SANBR: variants seen among roughly 807,000 people sequenced by gnomAD.
The protein encoded by SANBR is SANT and BTB domain regulator of CSR.
A neutral mutation model predicts 101.8 loss-of-function variants in SANBR; 77 were observed. The ratio of observed to expected loss-of-function variants is 0.76; its 90% CI spans 0.63 to 0.91. The LOEUF is 0.91. Among genes scored for constraint, SANBR ranks in the 40% least tolerant of loss-of-function variants. SANBR has a pLI of 0.00. For missense variants in SANBR, 875 were observed against 853.0 expected (o/e 1.03, Z -0.32); for synonymous variants, 279 against 274.7 (o/e 1.02, Z -0.15).
At chr2:61,131,751 A>G (rs1187061910) in intron 20 of SANBR, among the ~76,000 whole-genome samples, 2 of 152,226 alleles carry the variant, frequency 1.3e-5, no homozygotes, top group African/African-American at 4.8e-5. Flanking sequence ...TTGGAAGACA[A>G]CAAAGTTAGA....
intron 16 of SANBR, 53 bp from the exon 17 acceptor site, chr2:61,115,926 G>A (rs981612954): frequency 9.3e-7 from 1 of 1,076,302 alleles, no homozygotes. Flanking sequence ...GTAACAAGTG[G>A]ACTGGAAAAG....
rs2104930731 is a variant in SANBR, at chr2:61,103,835, T to C, written c.1366-18T>C. 2 of 1,611,242 alleles carry C rather than the reference T, an allele frequency of 1.2e-6. No homozygotes were observed. Among genetic ancestry groups the C allele is most frequent in the South Asian group, 2.2e-5 (2 of 90,660 alleles). On this transcript the variant is annotated intron_variant, in intron 12 of 21. Transcript: ENST00000402291. Reference sequence around the variant, plus strand: ...CTATAACAAACTAACCTCTAATTTATTGTCTCTTATGTGACAGGGCTGTAA... The same window carrying C: ...CTATAACAAACTAACCTCTAATTTACTGTCTCTTATGTGACAGGGCTGTAA...
intron 20 of SANBR, among the ~76,000 whole-genome samples, chr2:61,120,819 A>G (rs1317167297): frequency 6.6e-6 from 1 of 152,238 alleles, no homozygotes; most frequent in Non-Finnish European, 1.5e-5. Context: ...ATGTTATATG[A>G]TTCTACTTAT....
intron 17 of SANBR, 147 bp from the exon 18 acceptor site, chr2:61,117,210 G>T (rs1292576616): frequency 4.1e-6 from 3 of 732,886 alleles, no homozygotes; most frequent in Non-Finnish European, 7.2e-6. Flanking sequence ...CATTTGGTTG[G>T]TGCAAGGTTT....
intron 5 of SANBR, among the ~76,000 whole-genome samples, chr2:61,075,459 G>A (rs868189943): frequency 2.6e-5 from 4 of 151,882 alleles, no homozygotes; most frequent in Non-Finnish European, 4.4e-5. Context: ...GGGTTTCACC[G>A]GGTTACCCAG....
chr2:61,068,775 C>G (rs1367990060), intron 1 of SANBR, 74 bp from the exon 2 acceptor site: 2 of 152,366 alleles, frequency 1.3e-5, no homozygotes, highest in Non-Finnish European at 2.9e-5. Flanking sequence ...AGTCCTCACT[C>G]TTTGCCAGGT....
chr2:61,083,628 G>A (rs994609558), intron 8 of SANBR, among the ~76,000 whole-genome samples: 19 of 151,954 alleles, frequency 1.3e-4, no homozygotes, highest in Admixed American at 1.2e-3. Context: ...CCAGCACTTT[G>A]GGAGGCCGAG....
At chr2:61,081,694 G>A (rs576695146) in intron 7 of SANBR, among the ~76,000 whole-genome samples, 184 bp downstream of exon 7, 1 of 152,226 alleles carries the variant, frequency 6.6e-6, no homozygotes, top group South Asian at 2.1e-4. Flanking sequence ...TGTCACCCAG[G>A]CTGGAGTGCA....
chr2:61,120,464 C>T (rs945545723), intron 20 of SANBR, among the ~76,000 whole-genome samples: 3 of 152,228 alleles, frequency 2.0e-5, no homozygotes, highest in African/African-American at 7.2e-5. Context: ...CGTGCCACTG[C>T]ACTCTAGCCT....
chr2:61,097,705 T>C lies in SANBR; in HGVS notation c.1218T>C (p.Phe406=), dbSNP rs1421117374. The stretch of plus-strand genomic sequence containing the variant: ...TTTATCTATGTCTTTATCAGGCCTT[T>C]CTCTGTATTGAATTTTCACATTGTC... ...WLTCSRCYQA[F]LCIEFSHCQY... is the part of the protein sequence containing the mutation. The change falls in exon 12 of 22, where the codon TTT becomes TTC. Residue 406 remains phenylalanine (F), a synonymous_variant. Transcript: ENST00000402291. 6.3e-7 allele frequency: 1 copy of C among 1,599,702 alleles called. No individual in the cohort carries two copies. Among genetic ancestry groups the C allele is most frequent in the African/African-American group, 1.3e-5 (1 of 74,620 alleles).
At chr2:61,133,550 C>G (rs755295663) in intron 20 of SANBR, among the ~76,000 whole-genome samples, 2 of 151,618 alleles carry the variant, frequency 1.3e-5, no homozygotes, top group Admixed American at 1.3e-4. Context: ...CCCAGGAGTT[C>G]AAGACCGGCC....
Position 61,120,467 on chromosome 2 carries a change from T to C in SANBR, c.2029-718T>C, listed in dbSNP as rs574830063. Among the ~76,000 whole-genome samples, 102 of 152,284 alleles carry C rather than the reference T, an allele frequency of 6.7e-4. 1 individual carries two copies. Among genetic ancestry groups the C allele is most frequent in the Middle Eastern group, 3.4e-3 (1 of 294 alleles). ...GTGAGCCAAGATCGTGCCACTGCAC[T>C]CTAGCCTGGGCAACACAGAGCGATA... On this transcript the variant is annotated intron_variant, in intron 20 of 21. Transcript: ENST00000402291.
At position 61,122,161 on chromosome 2, in the gene SANBR, A is replaced by G. The variant is rs1275338144; in HGVS notation, c.2156A>G (p.Ter719=). ...CGTTTTGGTCAAGGGCGTCCTGCAT[A>G]AAGTACCTTAAAATATAAGTAAAAA... The part of the protein sequence containing the change: ...KSRFGQGRPA[*] The change falls in exon 22 of 22, where the codon TAA becomes TGA. Residue 719 remains the stop codon, a stop_retained_variant. Coordinates refer to ENST00000402291, the MANE Select transcript of SANBR (RefSeq NM_001129993.3). 2 of 1,549,638 alleles carry G rather than the reference A, an allele frequency of 1.3e-6. No homozygotes were observed. The highest frequency in any genetic ancestry group is 2.7e-5 in the African/African-American group (2 of 72,978).
downstream of SANBR, among the ~76,000 whole-genome samples, chr2:61,129,238 G>A (rs1383692480): frequency 6.6e-6 from 1 of 152,110 alleles, no homozygotes; most frequent in African/African-American, 2.4e-5. Flanking sequence ...GAGGTCAGGA[G>A]TTTGAGACCA....
chr2:61,098,155 G>A (rs1683122639), intron 12 of SANBR, among the ~76,000 whole-genome samples: 1 of 149,448 alleles, frequency 6.7e-6, no homozygotes, highest in Non-Finnish European at 1.5e-5. Flanking sequence ...CCAGGGTGGA[G>A]TGCAGTGGTG....
At chr2:61,092,075 A>G (rs1353209658) in intron 10 of SANBR, among the ~76,000 whole-genome samples, 3 of 152,254 alleles carry the variant, frequency 2.0e-5, no homozygotes, top group Non-Finnish European at 4.4e-5. Context: ...TAAAGCTTCC[A>G]TTTAACATTT....
At chr2:61,127,365 G>C (rs1230505988), downstream of SANBR, among the ~76,000 whole-genome samples, 2 of 152,186 alleles carry the variant, frequency 1.3e-5, no homozygotes, top group Non-Finnish European at 2.9e-5. Flanking sequence ...AGATCAGTTT[G>C]TCTGTCACCC....
At chr2:61,092,650 C>A (rs996174032) in intron 11 of SANBR, 63 bp downstream of exon 11, 7 of 1,280,392 alleles carry the variant, frequency 5.5e-6, no homozygotes, top group Non-Finnish European at 6.4e-6. Flanking sequence ...ATTTTGATAT[C>A]TGCTGTTTAA....
rs1559069272 is a variant in SANBR at position 61,070,512 on chromosome 2, T to TC, written c.150+18dup. The TC allele has an allele frequency of 1.3e-6, 2 of 1,597,966 alleles. No homozygotes were observed. The highest frequency in any genetic ancestry group is 1.8e-5 in the Admixed American group (1 of 56,784). ...TAACACCAAAAGAGGTAAATAACAG[T>TC]CCCCCCAGAATATCTCCTGAAAATG... On this transcript the variant is annotated intron_variant, in intron 3 of 21. Transcript: ENST00000402291.
Sources: gnomAD v4.1 joint callset for allele counts (sites outside exome capture counted in the v4.1 genomes callset) on GRCh38, gnomAD v4.1.1 for gene constraint, MANE v1.5 for transcripts, NCBI Gene and HGNC (gene_info 2026-07-23, HGNC 2026-07-21) for gene names.